RANBP2: variants seen among roughly 807,000 people sequenced by gnomAD.
The protein encoded by RANBP2 is E3 SUMO-protein ligase RanBP2.
RANBP2 carries 57 observed loss-of-function variants against 303.6 expected under a neutral mutation model. The ratio of observed to expected loss-of-function variants is 0.19; its 90% CI spans 0.15 to 0.23. The LOEUF (loss-of-function observed/expected upper bound fraction) is 0.23. Among genes scored for constraint, RANBP2 ranks in the 10% least tolerant of loss-of-function variants. The probability of loss-of-function intolerance (pLI) is 1.00; values close to 1 mark genes in which losing one functional copy is unlikely to be tolerated. For synonymous variants in RANBP2, 1,167 were observed against 1,301.5 expected, an observed-to-expected ratio of 0.90 and a Z score of 2.23; for missense variants, 3,138 against 3,780.8, an observed-to-expected ratio of 0.83 and a Z score of 4.46.
chr2:109,333,820 T>C, the RANBP2 span, among the ~76,000 whole-genome samples: 7 of 152,314 alleles, frequency 4.6e-5, no homozygotes, highest in Non-Finnish European at 8.8e-5. Context: ...GGAGATAATA[T>C]GGAGATAATA....
At chr2:108,787,973 T>C, downstream of RANBP2, 3 of 1,330,286 alleles carry the variant, frequency 2.3e-6, no homozygotes, top group Non-Finnish European at 3.1e-6. Flanking sequence ...TGGGGAAATA[T>C]TTTGAGACAG....
At chr2:108,819,894 C>T in the RANBP2 span, among the ~76,000 whole-genome samples, 2 of 152,134 alleles carry the variant, frequency 1.3e-5, no homozygotes, top group Non-Finnish European at 2.9e-5. Flanking sequence ...GATTTAAAAA[C>T]TGTAACCGAT....
the RANBP2 span, among the ~76,000 whole-genome samples, chr2:109,170,239 TTTCTTTTCTCTTCTC>T: frequency 0.11 from 14,090 of 133,170 alleles, 1,334 homozygotes; most frequent in Middle Eastern, 0.21. Flanking sequence ...CTTCTCTTCT[TTTCTTTTCTCTTCTC>T]TTCTCTTCTC....
chr2:109,644,301 G>A, the RANBP2 span, among the ~76,000 whole-genome samples: 6 of 151,768 alleles, frequency 4.0e-5, no homozygotes, highest in South Asian at 2.1e-4. Context: ...AGTGAGACTC[G>A]TCTCAAAAAA....
the RANBP2 span, among the ~76,000 whole-genome samples, chr2:109,473,313 G>A: frequency 6.6e-6 from 1 of 152,206 alleles, no homozygotes; most frequent in Non-Finnish European, 1.5e-5. Flanking sequence ...TTGGCCATGG[G>A]CAGCTGTGCC....
At chr2:109,655,123 G>A in the RANBP2 span, among the ~76,000 whole-genome samples, 7 of 151,914 alleles carry the variant, frequency 4.6e-5, no homozygotes, top group African/African-American at 1.5e-4. Flanking sequence ...GGCTGATATC[G>A]AATTCCTGAC....
the RANBP2 span, among the ~76,000 whole-genome samples, chr2:109,476,365 G>A: frequency 1.3e-5 from 2 of 152,184 alleles, no homozygotes; most frequent in Admixed American, 6.5e-5. Flanking sequence ...CCAAGGGGAG[G>A]TACTGGGTAG....
the RANBP2 span, among the ~76,000 whole-genome samples, chr2:109,633,988 C>T: frequency 1.3e-5 from 2 of 151,298 alleles, no homozygotes; most frequent in East Asian, 1.9e-4. Context: ...GGTGTGGTGG[C>T]GGGCACCTGT....
the RANBP2 span, among the ~76,000 whole-genome samples, chr2:109,336,725 C>G: frequency 6.6e-6 from 1 of 152,210 alleles, no homozygotes; most frequent in Non-Finnish European, 1.5e-5. Flanking sequence ...CTGCAACATC[C>G]AATTTTGTGG....
the RANBP2 span, among the ~76,000 whole-genome samples, chr2:109,436,488 G>T: frequency 6.6e-6 from 1 of 152,230 alleles, no homozygotes; most frequent in African/African-American, 2.4e-5. Flanking sequence ...GAGGGGGCCC[G>T]CGTCCTTGCC....
the RANBP2 span, among the ~76,000 whole-genome samples, chr2:108,872,262 T>C: frequency 0.87 from 132,404 of 152,056 alleles, 58,057 homozygotes; most frequent in East Asian, 1. Flanking sequence ...CTGCCATTGG[T>C]GCCCAAAATT....
the RANBP2 span, among the ~76,000 whole-genome samples, chr2:108,792,422 C>T: frequency 6.6e-6 from 1 of 152,206 alleles, no homozygotes; most frequent in Non-Finnish European, 1.5e-5. Context: ...CAGTGGAAAA[C>T]ATGGGATAAG....
the RANBP2 span, among the ~76,000 whole-genome samples, chr2:109,551,615 T>TC: frequency 6.6e-6 from 1 of 152,230 alleles, no homozygotes; most frequent in Non-Finnish European, 1.5e-5. Context: ...GACATAGGTA[T>TC]CCTATACTTT....
the RANBP2 span, among the ~76,000 whole-genome samples, chr2:109,480,607 G>T: frequency 2.0e-5 from 3 of 152,180 alleles, no homozygotes; most frequent in African/African-American, 2.4e-5. Flanking sequence ...CAGCCATGGG[G>T]TGCTCTCTGC....
chr2:109,581,023 A>G, the RANBP2 span, among the ~76,000 whole-genome samples: 4 of 152,246 alleles, frequency 2.6e-5, no homozygotes, highest in Non-Finnish European at 5.9e-5. Context: ...TGGCTAAAGA[A>G]TAATATGCAT....
chr2:108,794,135 T>C, the RANBP2 span, among the ~76,000 whole-genome samples: 3 of 152,346 alleles, frequency 2.0e-5, no homozygotes, highest in South Asian at 2.1e-4. Flanking sequence ...CTTTTAAGAT[T>C]AAGTAGTGGA....
the RANBP2 span, among the ~76,000 whole-genome samples, chr2:109,288,714 C>G: frequency 9.2e-5 from 14 of 152,184 alleles, no homozygotes; most frequent in Admixed American, 2.0e-4. Flanking sequence ...CTGGACCTGA[C>G]CCCTGTCTTA....
chr2:109,470,205 A>T, the RANBP2 span, among the ~76,000 whole-genome samples: 2 of 152,140 alleles, frequency 1.3e-5, no homozygotes, highest in Non-Finnish European at 2.9e-5. Context: ...TCACTACGTA[A>T]AGAGATGAGA....
At chr2:109,026,791 G>C in the RANBP2 span, among the ~76,000 whole-genome samples, 1 of 152,194 alleles carries the variant, frequency 6.6e-6, no homozygotes. Context: ...AAGTGGCCGG[G>C]TGCAGTGGCT....
Sources: gnomAD v4.1 joint callset for allele counts (sites outside exome capture counted in the v4.1 genomes callset) on GRCh38, gnomAD v4.1.1 for gene constraint, MANE v1.5 for transcripts, NCBI Gene and HGNC (gene_info 2026-07-23, HGNC 2026-07-21) for gene names.